OXR1: variants seen among roughly 807,000 people sequenced by gnomAD.
OXR1 encodes the protein oxidation resistance 1.
OXR1 carries 41 observed loss-of-function variants against 104.6 expected under a neutral mutation model. The ratio of observed to expected loss-of-function variants is 0.39; its 90% CI spans 0.31 to 0.51. OXR1 has a LOEUF of 0.51. OXR1 is among the 20% of genes least tolerant of loss of function. The probability of loss-of-function intolerance (pLI) is 0.77; values close to 1 mark genes in which losing one functional copy is unlikely to be tolerated. For synonymous variants in OXR1, 348 were observed against 348.4 expected (o/e 1.00, Z 0.01); for missense variants, 955 against 1,031.9 (o/e 0.93, Z 1.02).
chr8:106,280,569 G>T (rs976139976), intron 1 of OXR1, among the ~76,000 whole-genome samples: 1 of 152,122 alleles, frequency 6.6e-6, no homozygotes, highest in African/African-American at 2.4e-5. Flanking sequence ...TTTGCAAGGG[G>T]ATGGGTGATG....
intron 14 of OXR1, among the ~76,000 whole-genome samples, chr8:106,741,579 T>C (rs1211258113): frequency 2.6e-5 from 4 of 152,148 alleles, no homozygotes; most frequent in Non-Finnish European, 5.9e-5. Context: ...AGATAGAATG[T>C]CAGGATAGAC....
At chr8:106,528,424 C>G (rs553907722) in intron 3 of OXR1, among the ~76,000 whole-genome samples, 2 of 152,256 alleles carry the variant, frequency 1.3e-5, no homozygotes, top group Middle Eastern at 3.4e-3. Flanking sequence ...CCAAACTTAA[C>G]GATGCACAGT....
At chr8:106,377,300 A>G (rs1186731085) in intron 2 of OXR1, among the ~76,000 whole-genome samples, 1 of 151,908 alleles carries the variant, frequency 6.6e-6, no homozygotes, top group Non-Finnish European at 1.5e-5. Context: ...TTTCCGTCTC[A>G]GTCTCCCCGG....
intron 1 of OXR1, among the ~76,000 whole-genome samples, chr8:106,303,073 T>A (rs1027507101): frequency 2.6e-5 from 4 of 151,618 alleles, no homozygotes; most frequent in African/African-American, 9.7e-5. Flanking sequence ...TTTTTTTTTT[T>A]AAATTACAGA....
intron 3 of OXR1, among the ~76,000 whole-genome samples, chr8:106,619,561 C>A (rs1001648066): frequency 6.6e-6 from 1 of 151,950 alleles, no homozygotes; most frequent in Admixed American, 6.6e-5. Context: ...GGTTGATAAC[C>A]AGTCATAACA....
At chr8:106,432,557 T>G (rs1419362637) in intron 2 of OXR1, among the ~76,000 whole-genome samples, 1 of 152,216 alleles carries the variant, frequency 6.6e-6, no homozygotes, top group Non-Finnish European at 1.5e-5. Context: ...AACCTGCATT[T>G]GTTTTTTGTT....
intron 1 of OXR1, among the ~76,000 whole-genome samples, chr8:106,287,704 ACT>A (rs1389278086): frequency 2.0e-5 from 3 of 152,128 alleles, no homozygotes; most frequent in African/African-American, 7.2e-5. Flanking sequence ...GCATAATGAA[ACT>A]CTGTGCTGTA....
rs115947298 is a variant in OXR1 at position 106,430,226 on chromosome 8, C to A, written c.23+70590C>A. ...TGTGTTATGTAAACCAATGGGCCAA[C>A]TTTTAGATAATCTTAAAAGGGAAAT... On this transcript the variant is annotated intron_variant, in intron 2 of 16. Transcript: ENST00000517566. Among the ~76,000 whole-genome samples the A allele has an allele frequency of 3.4e-3, 514 of 152,190 alleles. 2 individuals carry two copies. The highest frequency in any genetic ancestry group is 0.011 in the African/African-American group (473 of 41,532).
At chr8:106,373,488 C>A (rs1816789181) in intron 2 of OXR1, among the ~76,000 whole-genome samples, 1 of 152,128 alleles carries the variant, frequency 6.6e-6, no homozygotes, top group Admixed American at 6.6e-5. Context: ...ACTAGGCATC[C>A]TTCTTGGATA....
At chr8:106,371,219 T>C (rs1006199659) in intron 2 of OXR1, among the ~76,000 whole-genome samples, 4 of 152,150 alleles carry the variant, frequency 2.6e-5, no homozygotes, top group Non-Finnish European at 5.9e-5. Context: ...CTGATAGTAA[T>C]TTTTATTTCT....
At chr8:106,285,980 C>T (rs1370605600) in intron 1 of OXR1, among the ~76,000 whole-genome samples, 2 of 97,892 alleles carry the variant, frequency 2.0e-5, no homozygotes, top group Non-Finnish European at 4.6e-5. Context: ...CCACCTTTTT[C>T]AGTCCTGTGG....
At chr8:106,478,802 A>G (rs1586695336) in intron 2 of OXR1, among the ~76,000 whole-genome samples, 1 of 151,894 alleles carries the variant, frequency 6.6e-6, no homozygotes, top group East Asian at 1.9e-4. Context: ...TTTAGCAGTA[A>G]GAAAAGGTTT....
intron 2 of OXR1, among the ~76,000 whole-genome samples, chr8:106,474,034 C>T (rs914346502): frequency 1.4e-5 from 2 of 147,650 alleles, no homozygotes; most frequent in African/African-American, 4.9e-5. Flanking sequence ...CACACACACA[C>T]ACACACACAC....
intron 6 of OXR1, among the ~76,000 whole-genome samples, chr8:106,686,726 GGT>G (rs1391127798): frequency 6.6e-6 from 1 of 152,052 alleles, no homozygotes; most frequent in Non-Finnish European, 1.5e-5. Context: ...GCTTAGTAGT[GGT>G]TTACTATGAA....
At chr8:106,505,482 A>G (rs932880579) in intron 2 of OXR1, among the ~76,000 whole-genome samples, 1 of 152,230 alleles carries the variant, frequency 6.6e-6, no homozygotes, top group African/African-American at 2.4e-5. Context: ...CAAAGTGGAC[A>G]TGAACAAATC....
At chr8:106,421,802 G>A (rs978839832) in intron 2 of OXR1, among the ~76,000 whole-genome samples, 1 of 152,302 alleles carries the variant, frequency 6.6e-6, no homozygotes, top group South Asian at 2.1e-4. Context: ...ACTGGGAGAG[G>A]CCATGAATTG....
Position 106,409,550 on chromosome 8 carries a change from A to C in OXR1, c.23+49914A>C, listed in dbSNP as rs367648039. On this transcript the variant is annotated intron_variant, in intron 2 of 16. Transcript: ENST00000517566. Reference sequence around the variant, plus strand: ...TGTACTGAACACACAAAGCCAATGAAATTGTAAAAAATAATGAACAAAAAC... The same window carrying C: ...TGTACTGAACACACAAAGCCAATGACATTGTAAAAAATAATGAACAAAAAC... Among the ~76,000 whole-genome samples the C allele has an allele frequency of 2.4e-4, 36 of 152,324 alleles. No individual in the cohort carries two copies. The East Asian group carries it at 5.6e-3, about 24-fold the overall frequency.
At chr8:106,348,704 A>G (rs1815600122) in intron 1 of OXR1, among the ~76,000 whole-genome samples, 2 of 152,204 alleles carry the variant, frequency 1.3e-5, no homozygotes, top group African/African-American at 4.8e-5. Context: ...TGAGTACAAT[A>G]AAGTACACCT....
chr8:106,540,251 C>G (rs916721406), intron 3 of OXR1, among the ~76,000 whole-genome samples: 1 of 152,008 alleles, frequency 6.6e-6, no homozygotes, highest in Admixed American at 6.6e-5. Context: ...ACCCGAGGAG[C>G]AAAGATCAAC....
Sources: allele counts gnomAD v4.1 joint callset (sites outside exome capture counted in the v4.1 genomes callset), GRCh38; gene constraint gnomAD v4.1.1; transcripts MANE v1.5; gene names NCBI Gene and HGNC (gene_info 2026-07-23, HGNC 2026-07-21).